SIRPB1: variants seen among roughly 807,000 people sequenced by gnomAD.
SIRPB1 encodes signal regulatory protein beta 1, also known as signal-regulatory protein beta-1.
In SIRPB1, 28 loss-of-function variants were observed where a neutral mutation model predicts 34.1. The ratio of observed to expected loss-of-function variants is 0.82; its 90% CI spans 0.61 to 1.12. The LOEUF is 1.12. Ranked by LOEUF, SIRPB1 falls within the 50% of genes most tolerant of loss-of-function variation. The pLI is 0.00. For synonymous variants in SIRPB1, 211 were observed against 203.8 expected (o/e 1.04, Z -0.30); for missense variants, 499 against 507.0 (o/e 0.98, Z 0.15).
chr20:1,570,800 C>T lies in SIRPB1; in HGVS notation c.1084+5G>A, dbSNP rs368520579. ...ACAAAATTTAAAAATGGGAAGTAAC[C>T]GCACCATGGGTGATATCTGAGCCGT... On this transcript the variant is annotated splice_donor_5th_base_variant and intron_variant, in intron 4 of 5. Transcript: ENST00000381605. 6.4e-5 allele frequency: 102 copies of T among 1,585,210 alleles called. No individual in the cohort carries two copies. Among genetic ancestry groups the T allele is most frequent in the South Asian group, 1.5e-4 (13 of 87,664 alleles).
At chr20:1,579,054 A>G (rs1568692350) in intron 1 of SIRPB1, among the ~76,000 whole-genome samples, 1 of 147,772 alleles carries the variant, frequency 6.8e-6, no homozygotes, top group Non-Finnish European at 1.5e-5. Context: ...CAGGCTCAAG[A>G]GATCCTTTCT....
At position 1,589,365 on chromosome 20, in the gene SIRPB1, A is replaced by T. The variant is rs1236299294; in HGVS notation, c.77-10671T>A. Among the ~76,000 whole-genome samples, 2 of 48,304 alleles carry T rather than the reference A, an allele frequency of 4.1e-5. 1 individual carries two copies. Among genetic ancestry groups the T allele is most frequent in the Admixed American group, 2.8e-4 (2 of 7,254 alleles). 31.7% of individuals were successfully genotyped at this position (48,304 alleles called of 152,430 possible). ...AAAGGGATAGGGTTATGATTCGGGC[A>T]GAATGTGGCGGACAGGTTCCTGAGG... On this transcript the variant is annotated intron_variant, in intron 1 of 5. Coordinates refer to ENST00000381605, the MANE Select transcript of SIRPB1 (RefSeq NM_006065.5).
intron 3 of SIRPB1, among the ~76,000 whole-genome samples, chr20:1,571,483 G>A (rs544976737): frequency 6.6e-6 from 1 of 152,336 alleles, no homozygotes; most frequent in South Asian, 2.1e-4. Context: ...CTCACTAATT[G>A]TAGTTGCTCT....
At chr20:1,580,025 A>G (rs1441938796) in intron 1 of SIRPB1, among the ~76,000 whole-genome samples, 2 of 148,610 alleles carry the variant, frequency 1.3e-5, no homozygotes, top group Non-Finnish European at 3.0e-5. Flanking sequence ...CAGCATAACT[A>G]TGGGAGATGA....
intron 1 of SIRPB1, among the ~76,000 whole-genome samples, chr20:1,618,613 A>C (rs1416843783): frequency 6.6e-6 from 1 of 152,256 alleles, no homozygotes; most frequent in Non-Finnish European, 1.5e-5. Context: ...TTGAAAAGTG[A>C]GACCCCTGCC....
intron 2 of SIRPB1, 106 bp from the exon 3 acceptor site, chr20:1,572,143 T>C: frequency 6.5e-7 from 1 of 1,538,946 alleles, no homozygotes; most frequent in Non-Finnish European, 8.8e-7. Flanking sequence ...TTTTAATCTT[T>C]CTAATAATGT....
rs1242633451 is a variant in SIRPB1, at chr20:1,566,183, A to G, written c.1169T>C (p.Ile390Thr). 1 of 1,611,190 alleles carries G rather than the reference A, an allele frequency of 6.2e-7. No homozygotes were observed. Among genetic ancestry groups the G allele is most frequent in the Non-Finnish European group, 8.5e-7 (1 of 1,178,782 alleles). ...KLLLVVGVSA[I>T]YICWKQKA ...GGCCTTCTGTTTCCAGCAGATGTAG[A>G]TGGCAGAGACACCAACCACCAGTAG... Residue 390 changes from isoleucine to threonine, a missense_variant, in exon 5 of 6, where the codon ATC becomes ACC. Coordinates refer to ENST00000381605, the MANE Select transcript of SIRPB1 (RefSeq NM_006065.5).
intron 1 of SIRPB1, among the ~76,000 whole-genome samples, chr20:1,615,890 T>C (rs1027750150): frequency 1.3e-5 from 2 of 152,234 alleles, no homozygotes; most frequent in African/African-American, 4.8e-5. Context: ...TGATTTTATT[T>C]ACCTATTTAT....
intron 4 of SIRPB1, among the ~76,000 whole-genome samples, chr20:1,567,017 C>T (rs1184007467): frequency 2.6e-5 from 4 of 152,058 alleles, no homozygotes; most frequent in African/African-American, 4.8e-5. Flanking sequence ...GTCAGATCTA[C>T]GGAAGCTCAT....
At chr20:1,615,154 C>A (rs2091612049) in intron 1 of SIRPB1, among the ~76,000 whole-genome samples, 1 of 152,182 alleles carries the variant, frequency 6.6e-6, no homozygotes, top group Admixed American at 6.5e-5. Context: ...TCAACAGGCC[C>A]TCCTGTTAGT....
chr20:1,570,704 A>G lies in SIRPB1; in HGVS notation c.1084+101T>C, dbSNP rs1007543887. 6.0e-6 allele frequency: 6 copies of G among 1,008,220 alleles called. No homozygotes were observed. The Admixed American group carries it at 1.1e-4, about 19-fold the overall frequency. 62.5% of individuals were successfully genotyped at this position (1,008,220 alleles called of 1,614,324 possible). A position where few individuals can be genotyped will look rare whatever the true frequency, so the allele number is the denominator to read the frequency against. ...ATTTTAATGTAGACGTTAAAATTCT[A>G]CTTTATATTTATAGACTTCTAGCTT... On this transcript the variant is annotated intron_variant, in intron 4 of 5. Coordinates refer to ENST00000381605, the MANE Select transcript of SIRPB1 (RefSeq NM_006065.5).
At chr20:1,571,693 C>A (rs768952693) in intron 3 of SIRPB1, 27 bp downstream of exon 3, 2 of 1,611,736 alleles carry the variant, frequency 1.2e-6, no homozygotes, top group Admixed American at 1.7e-5. Context: ...CAGGTGTGGG[C>A]TTGGGCTGGG....
Position 1,578,548 on chromosome 20 carries a change from G to C in SIRPB1, c.223C>G (p.Arg75Gly), listed in dbSNP as rs776573667. ...IMWFRGAGAG[R>G]ELIYNQKEGH... is the part of the protein sequence containing the mutation. ...TCTTTCTGATTGTAGATTAATTCCC[G>C]GCCTGCTCCAGCTCCTCTAAACCAC... Residue 75 changes from arginine (R) to glycine (G), a missense_variant, in exon 2 of 6, where the codon CGG becomes GGG. Physicochemically the swap from Arg to Gly is moderately radical, Grantham distance 125. Transcript: ENST00000381605. 1 of 1,583,532 alleles carries C rather than the reference G, an allele frequency of 6.3e-7. No individual in the cohort carries two copies. Among genetic ancestry groups the C allele is most frequent in the Non-Finnish European group, 8.6e-7 (1 of 1,157,526 alleles).
chr20:1,578,106 C>G, intron 2 of SIRPB1: 2 of 555,246 alleles, frequency 3.6e-6, no homozygotes, highest in South Asian at 4.1e-5. Context: ...GCTGTAGAGC[C>G]GCAGACTGGG....
chr20:1,566,382 G>A, intron 4 of SIRPB1, 115 bp from the exon 5 acceptor site: 1 of 603,704 alleles, frequency 1.7e-6, no homozygotes, highest in Non-Finnish European at 2.9e-6. Flanking sequence ...TGAAGCTTTT[G>A]AACTTGCATC....
At chr20:1,598,985 C>A in intron 1 of SIRPB1, 1 of 325,226 alleles carries the variant, frequency 3.1e-6, no homozygotes, top group South Asian at 4.3e-5. Context: ...CCCAGGATGC[C>A]ATCCCAGAGG....
Position 1,593,875 on chromosome 20 carries a change from C to G in SIRPB1, c.77-15181G>C, listed in dbSNP as rs192384927. 1.4e-3 allele frequency among the ~76,000 whole-genome samples: 67 copies of G among 48,486 alleles called. 27 individuals carry two copies. The allele number at this position is 48,486 out of a possible 152,430, so 31.8% of individuals were successfully genotyped here. Reference sequence around the variant, plus strand: ...AGGTGTGAGACATAAAGTTTCATGCCTCCAAAAATCATAGTTTGGAATACA... The same window carrying G: ...AGGTGTGAGACATAAAGTTTCATGCGTCCAAAAATCATAGTTTGGAATACA... On this transcript the variant is annotated intron_variant, in intron 1 of 5. Coordinates refer to ENST00000381605, the MANE Select transcript of SIRPB1 (RefSeq NM_006065.5).
Position 1,589,300 on chromosome 20 carries a change from A to G in SIRPB1, c.77-10606T>C, listed in dbSNP as rs2091435021. On this transcript the variant is annotated intron_variant, in intron 1 of 5. Coordinates refer to ENST00000381605, the MANE Select transcript of SIRPB1 (RefSeq NM_006065.5). Reference sequence around the variant, plus strand: ...AGGGAGTAGTTTTAGTTTAGTAAGGATCTGTTTTGTCGGGTGAAGTGAGGA... The same window carrying G: ...AGGGAGTAGTTTTAGTTTAGTAAGGGTCTGTTTTGTCGGGTGAAGTGAGGA... Among the ~76,000 whole-genome samples, 2 of 48,418 alleles carry G rather than the reference A, an allele frequency of 4.1e-5. 1 individual carries two copies. Among genetic ancestry groups the G allele is most frequent in the Non-Finnish European group, 7.9e-5 (2 of 25,280 alleles). 31.8% of individuals were successfully genotyped at this position (48,418 alleles called of 152,430 possible). A position where few individuals can be genotyped will look rare whatever the true frequency, so the allele number is the denominator to read the frequency against.
At chr20:1,566,376 GCTTTTGAA>G (rs2091135589) in intron 4 of SIRPB1, 109 bp from the exon 5 acceptor site, 3 of 620,036 alleles carry the variant, frequency 4.8e-6, no homozygotes, top group Non-Finnish European at 8.4e-6. Flanking sequence ...ATCCTCTGAA[GCTTTTGAA>G]CTTGCATCCT....
Sources: gnomAD v4.1 joint callset for allele counts (sites outside exome capture counted in the v4.1 genomes callset) on GRCh38, gnomAD v4.1.1 for gene constraint, MANE v1.5 for transcripts, NCBI Gene and HGNC (gene_info 2026-07-23, HGNC 2026-07-21) for gene names.